The following CAMK2B variants were observed in gnomAD, a reference collection of about 807,000 sequenced individuals.
The protein encoded by CAMK2B is calcium/calmodulin dependent protein kinase II beta, also known as calcium/calmodulin-dependent protein kinase type II subunit beta.
In CAMK2B, 27 loss-of-function variants were observed where a neutral mutation model predicts 93.7. That is an observed-to-expected ratio of 0.29 (90% CI 0.21 to 0.40). CAMK2B has a LOEUF of 0.40. CAMK2B is among the 10% of genes least tolerant of loss of function. CAMK2B has a pLI of 1.00. For synonymous variants in CAMK2B, 374 were observed against 358.8 expected (o/e 1.04, Z -0.48); for missense variants, 568 against 895.8 (o/e 0.63, Z 4.67).
chr7:44,294,214 G>A (rs1787664464), intron 1 of CAMK2B, among the ~76,000 whole-genome samples: 1 of 152,178 alleles, frequency 6.6e-6, no homozygotes, highest in Non-Finnish European at 1.5e-5. Flanking sequence ...CCAACCCCAA[G>A]GGACCACATC....
At chr7:44,274,477 A>C (rs1300480354) in intron 2 of CAMK2B, among the ~76,000 whole-genome samples, 1 of 152,044 alleles carries the variant, frequency 6.6e-6, no homozygotes, top group Non-Finnish European at 1.5e-5. Flanking sequence ...CTCGGTTCCC[A>C]CCCAGGCCTC....
intron 4 of CAMK2B, among the ~76,000 whole-genome samples, chr7:44,255,792 G>C (rs1232596345): frequency 1.3e-5 from 2 of 152,300 alleles, no homozygotes; most frequent in Admixed American, 1.3e-4. Context: ...TGCTCTCTCA[G>C]CACTGGAGAA....
At chr7:44,294,766 T>C (rs1027293052) in intron 1 of CAMK2B, among the ~76,000 whole-genome samples, 2 of 152,160 alleles carry the variant, frequency 1.3e-5, no homozygotes, top group African/African-American at 4.8e-5. Flanking sequence ...ATGGCAATTC[T>C]ATGGGGGTGC....
intron 5 of CAMK2B, among the ~76,000 whole-genome samples, chr7:44,249,823 T>G (rs557215506): frequency 6.6e-6 from 1 of 152,186 alleles, no homozygotes; most frequent in South Asian, 2.1e-4. Context: ...ACGCCCTGTA[T>G]CCTCCTTCCT....
intron 1 of CAMK2B, among the ~76,000 whole-genome samples, chr7:44,293,778 G>A (rs750519457): frequency 2.0e-5 from 3 of 152,144 alleles, no homozygotes; most frequent in Admixed American, 6.5e-5. Context: ...CCCATGGCTC[G>A]TCTCCTGCTG....
intron 19 of CAMK2B, among the ~76,000 whole-genome samples, chr7:44,228,050 C>T (rs562187117): frequency 5.3e-5 from 8 of 151,580 alleles, no homozygotes; most frequent in Admixed American, 1.3e-4. Context: ...CTCTGGCTGT[C>T]GGGTGGCGTG....
intron 1 of CAMK2B, among the ~76,000 whole-genome samples, chr7:44,298,939 C>T (rs1387822958): frequency 6.6e-6 from 1 of 151,882 alleles, no homozygotes; most frequent in African/African-American, 2.4e-5. Flanking sequence ...TTGTGCATTG[C>T]TGGTGGGAAT....
At chr7:44,249,605 G>T (rs1324092220) in intron 5 of CAMK2B, among the ~76,000 whole-genome samples, 6 of 152,160 alleles carry the variant, frequency 3.9e-5, no homozygotes, top group Admixed American at 3.3e-4. Context: ...CTGAGGGCTG[G>T]ACTTTCCTCT....
intron 2 of CAMK2B, among the ~76,000 whole-genome samples, chr7:44,277,757 G>A (rs2097061413): frequency 1.3e-5 from 2 of 151,282 alleles, no homozygotes; most frequent in South Asian, 4.2e-4. Context: ...CCACCTCCCT[G>A]AATAGCAGGG....
Position 44,299,180 on chromosome 7 carries a change from T to C in CAMK2B, c.66-14955A>G, listed in dbSNP as rs1048597371. ...AGAAGAATGGATAAATAAAGTGTGG[T>C]CTATATATACAATGAATATTATTCA... On this transcript the variant is annotated intron_variant, in intron 1 of 23. Coordinates refer to ENST00000395749, the MANE Select transcript of CAMK2B (RefSeq NM_001220.5). 5.9e-5 allele frequency among the ~76,000 whole-genome samples: 9 copies of C among 152,320 alleles called. No individual in the cohort carries two copies. The East Asian group carries it at 1.5e-3, about 26-fold the overall frequency.
intron 1 of CAMK2B, among the ~76,000 whole-genome samples, chr7:44,287,300 T>C (rs1785406901): frequency 6.6e-6 from 1 of 152,148 alleles, no homozygotes; most frequent in Admixed American, 6.5e-5. Flanking sequence ...AAGGAATGTA[T>C]GCTTAAGTCT....
At position 44,263,380 on chromosome 7, in the gene CAMK2B, C is replaced by T. The variant is rs535263092; in HGVS notation, c.161-316G>A. On this transcript the variant is annotated intron_variant, in intron 2 of 23. Coordinates refer to ENST00000395749, the MANE Select transcript of CAMK2B (RefSeq NM_001220.5). ...CTGATTTAGTCCTCCACTTATTTGT[C>T]CTAATTCCATACTCTTTGGAGCTTT... 2.2e-4 allele frequency among the ~76,000 whole-genome samples: 34 copies of T among 152,352 alleles called. 1 individual carries two copies. The South Asian group carries it at 6.4e-3, about 29-fold the overall frequency.
chr7:44,308,527 C>T (rs1214337095), intron 1 of CAMK2B, among the ~76,000 whole-genome samples: 1 of 152,130 alleles, frequency 6.6e-6, no homozygotes, highest in Non-Finnish European at 1.5e-5. Context: ...CCTGTGCATC[C>T]CCCCACTTCC....
At chr7:44,259,835 GGAC>G (rs2096864977) in intron 3 of CAMK2B, among the ~76,000 whole-genome samples, 1 of 152,170 alleles carries the variant, frequency 6.6e-6, no homozygotes, top group Non-Finnish European at 1.5e-5. Context: ...AGAACAACGA[GGAC>G]GACGACAGCC....
At chr7:44,253,939 G>T (rs1483949552) in intron 5 of CAMK2B, among the ~76,000 whole-genome samples, 3 of 150,986 alleles carry the variant, frequency 2.0e-5, no homozygotes, top group Non-Finnish European at 4.4e-5. Context: ...CATCTCTGTG[G>T]CAGAGCAGGG....
Position 44,248,579 on chromosome 7 carries a change from C to T in CAMK2B, c.342-1387G>A, listed in dbSNP as rs991055577. Among the ~76,000 whole-genome samples, 1 of 152,226 alleles carries T rather than the reference C, an allele frequency of 6.6e-6. No individual in the cohort carries two copies. The highest frequency in any genetic ancestry group is 1.5e-5 in the Non-Finnish European group (1 of 68,044). On this transcript the variant is annotated intron_variant, in intron 5 of 23. Transcript: ENST00000395749. The surrounding 1 kb of genome is among the most constrained non-coding windows in gnomAD (Gnocchi z 4.1). ...CACGGTCAAGGGAGGGACAGGAAGA[C>T]CCCCTCAAGACCCTTCTATCCCAGC...
chr7:44,308,941 C>G (rs1254092407), intron 1 of CAMK2B, among the ~76,000 whole-genome samples: 2 of 152,214 alleles, frequency 1.3e-5, no homozygotes, highest in African/African-American at 4.8e-5. Flanking sequence ...AAGGGTCCAG[C>G]AAAGGCACTG....
intron 16 of CAMK2B, 69 bp from the exon 17 acceptor site, chr7:44,231,123 T>C (rs1583910647): frequency 1.7e-6 from 2 of 1,156,226 alleles, no homozygotes; most frequent in East Asian, 6.0e-5. Flanking sequence ...TGAGGGCAGG[T>C]GGACAGGGCT....
intron 12 of CAMK2B, 61 bp downstream of exon 12, chr7:44,240,646 T>C (rs1212564422): frequency 6.3e-7 from 1 of 1,574,956 alleles, no homozygotes; most frequent in Non-Finnish European, 8.7e-7. Context: ...AAGGAGGCGC[T>C]CTCCTGCGTG....
Sources: gnomAD v4.1 joint callset for allele counts (sites outside exome capture counted in the v4.1 genomes callset) on GRCh38, gnomAD v4.1.1 for gene constraint, Gnocchi (gnomAD v3.1) non-coding constraint, MANE v1.5 for transcripts, NCBI Gene and HGNC (gene_info 2026-07-23, HGNC 2026-07-21) for gene names.